Variants in CLIC4 observed in about 807,000 individuals in gnomAD.
CLIC4 encodes chloride intracellular channel protein 4.
A neutral mutation model predicts 24.6 loss-of-function variants in CLIC4; 13 were observed. The ratio of observed to expected loss-of-function variants is 0.53; its 90% confidence interval spans 0.34 to 0.84. The LOEUF is 0.84. CLIC4 is among the 40% of genes least tolerant of loss of function. CLIC4 has a pLI of 0.01. For missense variants in CLIC4, 227 were observed against 301.7 expected, an observed-to-expected ratio of 0.75 and a Z score of 1.83; for synonymous variants, 104 against 111.3, an observed-to-expected ratio of 0.93 and a Z score of 0.41.
chr1:24,798,951 A>G (rs1275868127), intron 2 of CLIC4, among the ~76,000 whole-genome samples: 11 of 152,150 alleles, frequency 7.2e-5, no homozygotes, highest in Admixed American at 3.9e-4. Flanking sequence ...TCAGTGCTCA[A>G]TGGTGCCCAG....
chr1:24,790,480 G>A lies in CLIC4; in HGVS notation c.73-7262G>A, dbSNP rs564204569. 2.6e-5 allele frequency among the ~76,000 whole-genome samples: 4 copies of A among 152,290 alleles called. No individual in the cohort carries two copies. The South Asian group carries it at 6.2e-4, about 24-fold the overall frequency. On this transcript the variant is annotated intron_variant, in intron 1 of 5. Transcript: ENST00000374379. ...AGAGACTTCTGCTTCTGGAAAAACC[G>A]AATTAGATGGTAGTGAGTTTCTTAG...
At chr1:24,793,491 G>A (rs935095319) in intron 1 of CLIC4, among the ~76,000 whole-genome samples, 2 of 152,120 alleles carry the variant, frequency 1.3e-5, no homozygotes, top group Non-Finnish European at 2.9e-5. Flanking sequence ...GCCCCAACCC[G>A]GGAGTTCTGC....
At chr1:24,797,624 C>A in intron 1 of CLIC4, 118 bp from the exon 2 acceptor site, 1 of 608,546 alleles carries the variant, frequency 1.6e-6, no homozygotes, top group East Asian at 3.1e-5. Flanking sequence ...TCTACTCTTC[C>A]TTCCACAATG....
At chr1:24,789,603 G>A (rs76756869) in intron 1 of CLIC4, among the ~76,000 whole-genome samples, 66 of 152,180 alleles carry the variant, frequency 4.3e-4, no homozygotes, top group Non-Finnish European at 7.9e-4. Context: ...TTTAGACTAG[G>A]TAATTTTTAT....
intron 4 of CLIC4, 141 bp downstream of exon 4, chr1:24,827,257 C>T: frequency 1.7e-6 from 1 of 574,768 alleles, no homozygotes; most frequent in Non-Finnish European, 3.1e-6. Context: ...CAGAGTTGGT[C>T]AGAAATTGGA....
intron 2 of CLIC4, among the ~76,000 whole-genome samples, chr1:24,804,849 C>T (rs374964035): frequency 1.3e-5 from 2 of 151,582 alleles, no homozygotes; most frequent in Non-Finnish European, 2.9e-5. Flanking sequence ...TCTTGTAATC[C>T]CAGCGCTTTG....
At chr1:24,781,880 G>T (rs1289800027) in intron 1 of CLIC4, among the ~76,000 whole-genome samples, 1 of 152,002 alleles carries the variant, frequency 6.6e-6, no homozygotes, top group African/African-American at 2.4e-5. Context: ...TCAAACTCCT[G>T]ACCTCGTGTT....
At chr1:24,824,397 A>G (rs907695582) in intron 3 of CLIC4, among the ~76,000 whole-genome samples, 3 of 152,178 alleles carry the variant, frequency 2.0e-5, no homozygotes, top group African/African-American at 7.2e-5. Flanking sequence ...ACTCCTGAGA[A>G]GCTGGGATTA....
chr1:24,819,065 A>G (rs1233518808), intron 3 of CLIC4, among the ~76,000 whole-genome samples: 1 of 152,252 alleles, frequency 6.6e-6, no homozygotes, highest in East Asian at 1.9e-4. Context: ...TCTGTCTATA[A>G]CTAGCTTCTC....
At chr1:24,784,561 T>C (rs1639242508) in intron 1 of CLIC4, among the ~76,000 whole-genome samples, 1 of 152,224 alleles carries the variant, frequency 6.6e-6, no homozygotes, top group Non-Finnish European at 1.5e-5. Flanking sequence ...CTAGCCCTGG[T>C]AATTGGGCAT....
chr1:24,822,169 C>T (rs1325240688), intron 3 of CLIC4, among the ~76,000 whole-genome samples: 1 of 151,978 alleles, frequency 6.6e-6, no homozygotes, highest in African/African-American at 2.4e-5. Context: ...TTGGGTTTGG[C>T]TTTTGTAAAA....
chr1:24,791,173 A>T (rs1273278382), intron 1 of CLIC4, among the ~76,000 whole-genome samples: 2 of 152,208 alleles, frequency 1.3e-5, no homozygotes, highest in Non-Finnish European at 2.9e-5. Context: ...GTATTTTTTA[A>T]AGGCATACTT....
chr1:24,801,202 A>G (rs1404527595), intron 2 of CLIC4, among the ~76,000 whole-genome samples: 1 of 152,222 alleles, frequency 6.6e-6, no homozygotes. Flanking sequence ...CTGTTCTCAC[A>G]TTGCTATAAA....
At chr1:24,778,057 G>T (rs1484513548) in intron 1 of CLIC4, 1 of 152,114 alleles carries the variant, frequency 6.6e-6, no homozygotes, top group South Asian at 2.1e-4. Flanking sequence ...TCGTAGCTCT[G>T]GCAATTTATC....
At chr1:24,840,244 A>AT (rs1015039723) in intron 5 of CLIC4, among the ~76,000 whole-genome samples, 12 of 151,636 alleles carry the variant, frequency 7.9e-5, no homozygotes, top group African/African-American at 2.4e-4. Flanking sequence ...AAAGATGAAT[A>AT]TTTTTTTTTC....
chr1:24,802,541 G>A (rs929164352), intron 2 of CLIC4, among the ~76,000 whole-genome samples: 2 of 151,778 alleles, frequency 1.3e-5, no homozygotes, highest in African/African-American at 4.8e-5. Context: ...ACAATCATAG[G>A]TCTCCAGTAA....
intron 1 of CLIC4, among the ~76,000 whole-genome samples, chr1:24,770,307 GA>G (rs35742055): frequency 0.018 from 2,294 of 126,070 alleles, 43 homozygotes; most frequent in African/African-American, 0.055. Context: ...GAGGTTGGTA[GA>G]AAAAAAAAAA....
chr1:24,797,882 T>A, intron 2 of CLIC4, 31 bp downstream of exon 2: 1 of 1,402,350 alleles, frequency 7.1e-7, no homozygotes, highest in Non-Finnish European at 1.0e-6. Context: ...GCAATCAACT[T>A]AAGCTGAACT....
At chr1:24,838,112 A>T (rs1639903952) in intron 4 of CLIC4, among the ~76,000 whole-genome samples, 1 of 152,142 alleles carries the variant, frequency 6.6e-6, no homozygotes, top group Non-Finnish European at 1.5e-5. Context: ...TTGGGAAGGT[A>T]AATGGCTCAG....
Sources: gnomAD v4.1 joint callset for allele counts (sites outside exome capture counted in the v4.1 genomes callset) on GRCh38, gnomAD v4.1.1 for gene constraint, MANE v1.5 for transcripts, NCBI Gene and HGNC (gene_info 2026-07-23, HGNC 2026-07-21) for gene names.